The following TAFA1 variants were observed in gnomAD, a reference collection of about 807,000 sequenced individuals.
TAFA1 encodes TAFA chemokine like family member 1.
A neutral mutation model predicts 18.5 loss-of-function variants in TAFA1; 4 were observed. The observed-to-expected ratio is 0.22, with a 90% CI of 0.11 to 0.49. The LOEUF (loss-of-function observed/expected upper bound fraction) is 0.49. TAFA1 is among the 20% of genes least tolerant of loss of function. The pLI is 0.98. For synonymous variants in TAFA1, 56 were observed against 55.2 expected, an observed-to-expected ratio of 1.01 and a Z score of -0.06; for missense variants, 147 against 169.0, an observed-to-expected ratio of 0.87 and a Z score of 0.72.
chr3:68,516,456 A>C (rs1575942264), intron 3 of TAFA1, among the ~76,000 whole-genome samples: 1 of 152,294 alleles, frequency 6.6e-6, no homozygotes, highest in South Asian at 2.1e-4. Context: ...CCAACTGAAA[A>C]AATTAGGCTA....
chr3:68,376,738 T>C (rs1225724695), intron 2 of TAFA1, among the ~76,000 whole-genome samples: 2 of 152,206 alleles, frequency 1.3e-5, no homozygotes, highest in African/African-American at 4.8e-5. Context: ...GTCTTTGTGA[T>C]AGAATGATTT....
At chr3:68,448,886 C>G (rs2071519176) in intron 3 of TAFA1, among the ~76,000 whole-genome samples, 1 of 152,028 alleles carries the variant, frequency 6.6e-6, no homozygotes, top group African/African-American at 2.4e-5. Context: ...ACATTGTGGG[C>G]TATAAAACAC....
At chr3:68,427,275 GT>G (rs2071074774) in intron 3 of TAFA1, among the ~76,000 whole-genome samples, 1 of 151,868 alleles carries the variant, frequency 6.6e-6, no homozygotes, top group African/African-American at 2.4e-5. Context: ...TTTCCAGAAA[GT>G]GGGAAAAATG....
At chr3:68,345,165 C>A (rs1294566381) in intron 2 of TAFA1, among the ~76,000 whole-genome samples, 1 of 152,072 alleles carries the variant, frequency 6.6e-6, no homozygotes, top group Non-Finnish European at 1.5e-5. Context: ...CATTTTGAAC[C>A]AGACCAACTG....
rs1171312397 is a variant in TAFA1 at position 68,085,148 on chromosome 3, C to G, written c.118+78404C>G. Among the ~76,000 whole-genome samples the G allele has an allele frequency of 2.0e-5, 3 of 152,230 alleles. No individual in the cohort carries two copies. The East Asian group carries it at 5.8e-4, about 29-fold the overall frequency. On this transcript the variant is annotated intron_variant, in intron 2 of 4. Transcript: ENST00000478136. ...GAGTCAGGGATTTTCTCACTTAACC[C>G]TTTTTATAATTCCTGAGAGTAAGGC...
chr3:68,282,386 A>G (rs925459003), intron 2 of TAFA1, among the ~76,000 whole-genome samples: 14 of 151,662 alleles, frequency 9.2e-5, no homozygotes. Flanking sequence ...AATCCTTCCA[A>G]TGACTTTGTG....
rs138013132 is a variant in TAFA1, at chr3:68,509,536, A to G, written c.260-29220A>G. On this transcript the variant is annotated intron_variant, in intron 3 of 4. Coordinates refer to ENST00000478136, the MANE Select transcript of TAFA1 (RefSeq NM_213609.4). ...CAAAATACTATCTGGATTTTCATGT[A>G]AATCAAGTGAAAATAGATATGCTTA... 9.7e-3 allele frequency among the ~76,000 whole-genome samples: 1,484 copies of G among 152,296 alleles called. 15 individuals are homozygous for G. The highest frequency in any genetic ancestry group is 0.016 in the Non-Finnish European group (1,104 of 68,016).
intron 2 of TAFA1, among the ~76,000 whole-genome samples, chr3:68,164,802 G>A (rs1302737064): frequency 1.3e-5 from 2 of 152,148 alleles, no homozygotes; most frequent in Non-Finnish European, 2.9e-5. Flanking sequence ...GAATGTAACT[G>A]AATTTATTCC....
intron 2 of TAFA1, among the ~76,000 whole-genome samples, chr3:68,373,057 C>T (rs1411218640): frequency 6.6e-6 from 1 of 152,162 alleles, no homozygotes; most frequent in African/African-American, 2.4e-5. Context: ...GAATTGTAAG[C>T]ATCAGGAAGA....
chr3:68,297,366 T>A (rs2068226845), intron 2 of TAFA1, among the ~76,000 whole-genome samples: 1 of 152,134 alleles, frequency 6.6e-6, no homozygotes, highest in Admixed American at 6.5e-5. Flanking sequence ...CATTCCTAAG[T>A]CTTCAGAATA....
At position 68,370,506 on chromosome 3, in the gene TAFA1, A is replaced by ATATATATATATATATATG. The variant is rs1162156955; in HGVS notation, c.119-46764_119-46763insTATATATGTATATATATA. ...TATATATATATATATATATATATAT[A>ATATATATATATATATATG]TATATATATACCCACATATGTATTT... On this transcript the variant is annotated intron_variant, in intron 2 of 4. Coordinates refer to ENST00000478136, the MANE Select transcript of TAFA1 (RefSeq NM_213609.4). Among the ~76,000 whole-genome samples, 449 of 75,092 alleles carry ATATATATATATATATATG rather than the reference A, an allele frequency of 6.0e-3. 18 individuals carry two copies. The highest frequency in any genetic ancestry group is 0.02 in the East Asian group (32 of 1,598). The allele number at this position is 75,092 out of a possible 152,430, so 49.3% of individuals were successfully genotyped here. A position where few individuals can be genotyped will look rare whatever the true frequency, so the allele number is the denominator to read the frequency against.
chr3:68,226,719 A>C (rs1460081455), intron 2 of TAFA1, among the ~76,000 whole-genome samples: 2 of 152,148 alleles, frequency 1.3e-5, no homozygotes, highest in Non-Finnish European at 2.9e-5. Context: ...GCAGAGCATG[A>C]ATTATTAGCT....
chr3:68,086,379 T>C (rs2064970331), intron 2 of TAFA1, among the ~76,000 whole-genome samples: 1 of 152,186 alleles, frequency 6.6e-6, no homozygotes, highest in Admixed American at 6.5e-5. Context: ...TCCTTTACAA[T>C]TTGCAGAAGT....
At chr3:68,364,635 G>A (rs1282004812) in intron 2 of TAFA1, among the ~76,000 whole-genome samples, 2 of 152,130 alleles carry the variant, frequency 1.3e-5, no homozygotes, top group Admixed American at 6.5e-5. Flanking sequence ...AAACTGAGAT[G>A]TATATCTAAG....
intron 3 of TAFA1, among the ~76,000 whole-genome samples, chr3:68,450,353 T>A (rs2071551240): frequency 6.6e-6 from 1 of 152,204 alleles, no homozygotes; most frequent in Non-Finnish European, 1.5e-5. Flanking sequence ...TTGGGACATA[T>A]ATTTAGCAAT....
intron 3 of TAFA1, among the ~76,000 whole-genome samples, chr3:68,528,995 C>A (rs2073147618): frequency 6.6e-6 from 1 of 152,042 alleles, no homozygotes; most frequent in African/African-American, 2.4e-5. Flanking sequence ...ATCCTCACAA[C>A]CCTTTGATAT....
chr3:68,181,689 C>G (rs1432199286), intron 2 of TAFA1, among the ~76,000 whole-genome samples: 2 of 152,136 alleles, frequency 1.3e-5, no homozygotes, highest in Non-Finnish European at 2.9e-5. Context: ...AACTATTGAT[C>G]AAGACAAGTT....
chr3:68,355,418 A>G (rs2069342434), intron 2 of TAFA1, among the ~76,000 whole-genome samples: 2 of 151,910 alleles, frequency 1.3e-5, no homozygotes, highest in Admixed American at 6.6e-5. Flanking sequence ...TTCCCTTTTC[A>G]TAAAATTGGG....
At chr3:68,377,729 A>G (rs2069846570) in intron 2 of TAFA1, among the ~76,000 whole-genome samples, 2 of 152,126 alleles carry the variant, frequency 1.3e-5, no homozygotes, top group South Asian at 4.1e-4. Flanking sequence ...CCTAAAAGTA[A>G]CAAGTGGCCT....
Sources: allele counts gnomAD v4.1 joint callset (sites outside exome capture counted in the v4.1 genomes callset), GRCh38; gene constraint gnomAD v4.1.1; transcripts MANE v1.5; gene names NCBI Gene and HGNC (gene_info 2026-07-23, HGNC 2026-07-21).